LRRC37A2: variants seen among roughly 807,000 people sequenced by gnomAD.
LRRC37A2 encodes leucine rich repeat containing 37 member A2.
In LRRC37A2, 9 loss-of-function variants were observed where a neutral mutation model predicts 68.8. That is an observed-to-expected ratio of 0.13 (90% CI 0.08 to 0.23). The LOEUF (loss-of-function observed/expected upper bound fraction) is 0.23. Among genes scored for constraint, LRRC37A2 ranks in the 10% least tolerant of loss-of-function variants. LRRC37A2 has a pLI of 1.00. For synonymous variants in LRRC37A2, 63 were observed against 367.6 expected (o/e 0.17, Z 9.48); for missense variants, 168 against 950.4 (o/e 0.18, Z 10.82).
the LRRC37A2 span, chr17:46,979,166 C>T: frequency 1.3e-6 from 1 of 772,252 alleles, no homozygotes; most frequent in South Asian, 4.0e-5. Context: ...GCTCTCGGGC[C>T]GCCTACCCCT....
chr17:46,941,402 A>G, the LRRC37A2 span: 1 of 983,442 alleles, frequency 1.0e-6, no homozygotes, highest in Non-Finnish European at 1.2e-6. Flanking sequence ...CATTTTTATA[A>G]CTAATGGCCC....
At chr17:46,870,867 C>A in the LRRC37A2 span, among the ~76,000 whole-genome samples, 6 of 150,276 alleles carry the variant, frequency 4.0e-5, no homozygotes, top group Non-Finnish European at 8.8e-5. Context: ...CACATCCAAG[C>A]AGGAGCTCTA....
chr17:46,978,014 C>T, the LRRC37A2 span: 1 of 152,332 alleles, frequency 6.6e-6, no homozygotes, highest in South Asian at 2.1e-4. Flanking sequence ...GCGTGGAGCC[C>T]CAGGATCCTT....
chr17:47,001,342 G>T, the LRRC37A2 span, among the ~76,000 whole-genome samples: 1 of 152,096 alleles, frequency 6.6e-6, no homozygotes, highest in South Asian at 2.1e-4. Context: ...TGCACAGCAC[G>T]CCGGCCTGAA....
At chr17:46,811,606 G>GGCA in the LRRC37A2 span, among the ~76,000 whole-genome samples, 1 of 152,118 alleles carries the variant, frequency 6.6e-6, no homozygotes, top group South Asian at 2.1e-4. Context: ...GGCCCTCCCA[G>GGCA]GCAGCAGCAG....
chr17:46,938,821 AAG>A, the LRRC37A2 span: 8 of 1,609,902 alleles, frequency 5.0e-6, no homozygotes, highest in Admixed American at 3.3e-5. Flanking sequence ...GTGTGTGTGA[AAG>A]AGAGAGGGGG....
the LRRC37A2 span, among the ~76,000 whole-genome samples, chr17:46,790,773 T>C: frequency 6.6e-6 from 1 of 152,226 alleles, no homozygotes; most frequent in African/African-American, 2.4e-5. Context: ...GAAGAAGCAT[T>C]TGGGCACGCC....
At chr17:46,477,505 T>C in the LRRC37A2 span, among the ~76,000 whole-genome samples, 3 of 50,254 alleles carry the variant, frequency 6.0e-5, no homozygotes, top group East Asian at 6.2e-4. Context: ...ATTGCGCCAC[T>C]GCACTCCAGC....
the LRRC37A2 span, among the ~76,000 whole-genome samples, chr17:47,033,571 C>T: frequency 2.2e-4 from 33 of 152,278 alleles, no homozygotes; most frequent in Middle Eastern, 3.4e-3. Flanking sequence ...ATTTTCACGG[C>T]CTGCTTTGGA....
the LRRC37A2 span, among the ~76,000 whole-genome samples, chr17:46,787,579 C>T: frequency 1.4e-3 from 214 of 152,310 alleles, no homozygotes; most frequent in Non-Finnish European, 2.3e-3. Context: ...GCACGCAGAT[C>T]GTTCTTGAAG....
the LRRC37A2 span, chr17:46,923,173 T>C: frequency 6.6e-7 from 1 of 1,510,626 alleles, no homozygotes; most frequent in Non-Finnish European, 9.0e-7. Flanking sequence ...GCCGGAGCCG[T>C]GGCCTGCGGG....
the LRRC37A2 span, among the ~76,000 whole-genome samples, chr17:46,986,969 G>C: frequency 6.6e-6 from 1 of 152,138 alleles, no homozygotes; most frequent in Non-Finnish European, 1.5e-5. Context: ...TTGCAGGCCA[G>C]GGGGGGTGGC....
chr17:46,720,968 C>T, the LRRC37A2 span, among the ~76,000 whole-genome samples: 3 of 152,174 alleles, frequency 2.0e-5, no homozygotes, highest in Non-Finnish European at 4.4e-5. Flanking sequence ...CTCTGGAGCC[C>T]GTAGCTGCTG....
chr17:46,959,944 G>A, the LRRC37A2 span, among the ~76,000 whole-genome samples: 2 of 152,196 alleles, frequency 1.3e-5, no homozygotes, highest in East Asian at 1.9e-4. Flanking sequence ...AGGACATCAT[G>A]GAGTGGACTT....
the LRRC37A2 span, among the ~76,000 whole-genome samples, chr17:46,717,067 C>T: frequency 1.3e-5 from 2 of 152,028 alleles, no homozygotes; most frequent in South Asian, 4.1e-4. Flanking sequence ...GCAGTATTCA[C>T]AGTAGTGGAA....
At chr17:46,709,651 C>T in the LRRC37A2 span, among the ~76,000 whole-genome samples, 1 of 152,088 alleles carries the variant, frequency 6.6e-6, no homozygotes, top group Non-Finnish European at 1.5e-5. Context: ...CACACCACCA[C>T]ACCCAGCTAA....
At chr17:46,906,603 A>G in the LRRC37A2 span, among the ~76,000 whole-genome samples, 2 of 152,232 alleles carry the variant, frequency 1.3e-5, no homozygotes, top group African/African-American at 4.8e-5. Flanking sequence ...AATTTTATTT[A>G]ATATAACACT....
the LRRC37A2 span, among the ~76,000 whole-genome samples, chr17:46,747,503 C>T: frequency 6.6e-6 from 1 of 152,184 alleles, no homozygotes; most frequent in African/African-American, 2.4e-5. Context: ...AAGTCTCAAA[C>T]TCCTGGGCTC....
chr17:46,693,522 A>T, the LRRC37A2 span, among the ~76,000 whole-genome samples: 1 of 150,524 alleles, frequency 6.6e-6, no homozygotes, highest in East Asian at 1.9e-4. Context: ...GGGGGAAAAA[A>T]AAAAAAAACA....
Sources: gnomAD v4.1 joint callset for allele counts (sites outside exome capture counted in the v4.1 genomes callset) on GRCh38, gnomAD v4.1.1 for gene constraint, MANE v1.5 for transcripts, NCBI Gene and HGNC (gene_info 2026-07-23, HGNC 2026-07-21) for gene names.